The following SCN2A variants were observed in gnomAD, a reference collection of about 807,000 sequenced individuals.
The protein encoded by SCN2A is sodium channel protein type 2 subunit alpha.
A neutral mutation model predicts 188.7 loss-of-function variants in SCN2A; 20 were observed. The observed-to-expected ratio is 0.11, with a 90% CI of 0.07 to 0.15. SCN2A has a LOEUF of 0.15. Ranked by LOEUF, SCN2A falls within the 10% of genes least tolerant of loss-of-function variation. The probability of loss-of-function intolerance (pLI) is 1.00; values close to 1 mark genes in which losing one functional copy is unlikely to be tolerated. For synonymous variants in SCN2A, 804 were observed against 833.1 expected (o/e 0.97, Z 0.60); for missense variants, 1,278 against 2,445.0 (o/e 0.52, Z 10.07).
At chr2:165,380,917 T>A in intron 24 of SCN2A, 176 bp from the exon 25 acceptor site, 1 of 690,026 alleles carries the variant, frequency 1.4e-6, no homozygotes, top group Non-Finnish European at 2.5e-6. Flanking sequence ...ATATTTTTAG[T>A]CTAGAAATAT....
intron 15 of SCN2A, 35 bp downstream of exon 15, chr2:165,342,504 T>A: frequency 6.2e-7 from 1 of 1,603,628 alleles, no homozygotes; most frequent in Non-Finnish European, 8.5e-7. Context: ...AAATGTACTT[T>A]GTAATTAATT....
chr2:165,328,986 CTTTTTTT>C (rs1269103949), intron 13 of SCN2A, among the ~76,000 whole-genome samples: 1 of 89,390 alleles, frequency 1.1e-5, no homozygotes, highest in African/African-American at 4.4e-5. Flanking sequence ...TAAGATAGTC[CTTTTTTT>C]TTTTTTTTTT....
intron 17 of SCN2A, among the ~76,000 whole-genome samples, chr2:165,362,866 A>G (rs564933881): frequency 2.0e-5 from 3 of 152,230 alleles, no homozygotes; most frequent in South Asian, 4.1e-4. Flanking sequence ...TGGTGAGTGA[A>G]GATGGATGGA....
chr2:165,246,979 A>G (rs1384875281), intron 1 of SCN2A, among the ~76,000 whole-genome samples: 2 of 152,150 alleles, frequency 1.3e-5, no homozygotes, highest in East Asian at 1.9e-4. Flanking sequence ...GAGAAAATTG[A>G]AACAATCAGG....
chr2:165,256,000 CT>C lies in SCN2A; in HGVS notation c.-52+16380del, dbSNP rs765804959. On this transcript the variant is annotated intron_variant, in intron 1 of 26. Coordinates refer to ENST00000375437, the MANE Select transcript of SCN2A (RefSeq NM_001040142.2). ...AAATGTTTTCATTTGGGGCTCTTTTCTTTTTTTTTTTTTTTTTTTTGGTGAT... is the reference window on the plus strand; with the variant it reads ...AAATGTTTTCATTTGGGGCTCTTTTCTTTTTTTTTTTTTTTTTTTGGTGAT... Among the ~76,000 whole-genome samples, 327 of 88,478 alleles carry C rather than the reference CT, an allele frequency of 3.7e-3. 4 individuals carry two copies. Among genetic ancestry groups the C allele is most frequent in the African/African-American group, 0.014 (290 of 20,568 alleles). 58.0% of individuals were successfully genotyped at this position (88,478 alleles called of 152,430 possible). A position where few individuals can be genotyped will look rare whatever the true frequency, so the allele number is the denominator to read the frequency against.
intron 3 of SCN2A, among the ~76,000 whole-genome samples, chr2:165,297,715 C>A (rs945020463): frequency 5.3e-5 from 8 of 152,108 alleles, no homozygotes; most frequent in Non-Finnish European, 1.0e-4. Flanking sequence ...GCTTTCTATT[C>A]TTTTCCTTTC....
intron 16 of SCN2A, among the ~76,000 whole-genome samples, chr2:165,352,301 T>C (rs1574659854): frequency 6.6e-6 from 1 of 152,002 alleles, no homozygotes; most frequent in Non-Finnish European, 1.5e-5. Flanking sequence ...TCAGGAGTCA[T>C]AGTATAGAGA....
At chr2:165,257,306 ATTGGCACATCCT>A (rs1559319504) in intron 1 of SCN2A, among the ~76,000 whole-genome samples, 1 of 152,140 alleles carries the variant, frequency 6.6e-6, no homozygotes, top group African/African-American at 2.4e-5. Context: ...GTGGTCTTCT[ATTGGCACATCCT>A]TTATTTACAG....
chr2:165,281,522 G>C (rs1695582809), intron 1 of SCN2A, among the ~76,000 whole-genome samples: 1 of 152,028 alleles, frequency 6.6e-6, no homozygotes, highest in Non-Finnish European at 1.5e-5. Context: ...ATGTGAGAAA[G>C]TACAGGGCAG....
In SCN2A at chr2:165,309,285, GC is replaced by G. The variant is rs1559352436; in HGVS notation, c.606-63del. 1.9e-6 allele frequency: 3 copies of G among 1,611,708 alleles called. No homozygotes were observed. In the Admixed American group the frequency reaches 5.0e-5, roughly 27 times the overall value. ...AGAAGAAAATGGTATAAGGTGGTAG[GC>G]CCCTTATATCTCCAACTGTTTCTTG... On this transcript the variant is annotated intron_variant, in intron 5 of 26. Coordinates refer to ENST00000375437, the MANE Select transcript of SCN2A (RefSeq NM_001040142.2).
chr2:165,274,288 A>T (rs1303484835), intron 1 of SCN2A: 2 of 151,786 alleles, frequency 1.3e-5, no homozygotes, highest in Admixed American at 1.3e-4. Flanking sequence ...CAATAATCTG[A>T]ATTTATTCCA....
At chr2:165,320,792 G>A (rs935887281) in intron 11 of SCN2A, among the ~76,000 whole-genome samples, 57 of 152,190 alleles carry the variant, frequency 3.7e-4, no homozygotes, top group African/African-American at 8.4e-4. Context: ...CTCTGGACCC[G>A]GCACATGAAA....
At chr2:165,327,095 C>G in intron 13 of SCN2A, 111 bp downstream of exon 13, 1 of 1,315,952 alleles carries the variant, frequency 7.6e-7, no homozygotes, top group Non-Finnish European at 1.1e-6. Flanking sequence ...CATTATTACA[C>G]ATTTTACTAA....
intron 17 of SCN2A, among the ~76,000 whole-genome samples, chr2:165,361,857 C>T (rs1207130173): frequency 6.6e-6 from 1 of 151,984 alleles, no homozygotes; most frequent in Non-Finnish European, 1.5e-5. Flanking sequence ...CACATTAGGT[C>T]CGAATAATTG....
chr2:165,299,139 C>G (rs908535682), intron 3 of SCN2A, among the ~76,000 whole-genome samples: 2 of 151,882 alleles, frequency 1.3e-5, no homozygotes, highest in African/African-American at 4.8e-5. Flanking sequence ...TTATGAATCC[C>G]CATTTAAAAC....
intron 1 of SCN2A, among the ~76,000 whole-genome samples, chr2:165,250,270 G>A (rs1237173057): frequency 1.3e-5 from 2 of 151,952 alleles, no homozygotes; most frequent in Admixed American, 6.6e-5. Context: ...GAATTTCTTA[G>A]TTTTACAACA....
chr2:165,299,350 G>A (rs1307622461), intron 3 of SCN2A, among the ~76,000 whole-genome samples: 1 of 152,206 alleles, frequency 6.6e-6, no homozygotes, highest in Non-Finnish European at 1.5e-5. Context: ...GGCCTGAGGA[G>A]ATGCAGGTTG....
chr2:165,334,672 G>C (rs1421558053), intron 14 of SCN2A, among the ~76,000 whole-genome samples: 1 of 151,680 alleles, frequency 6.6e-6, no homozygotes, highest in Non-Finnish European at 1.5e-5. Context: ...ATTCTTAATA[G>C]TTACTTTAGA....
At chr2:165,308,939 G>A (rs1697285089) in intron 5 of SCN2A, 145 bp downstream of exon 5, 12 of 1,187,194 alleles carry the variant, frequency 1.0e-5, no homozygotes, top group Non-Finnish European at 1.4e-5. Flanking sequence ...ATCCAGTTTG[G>A]AGAAATTAGG....
Sources: gnomAD v4.1 joint callset for allele counts (sites outside exome capture counted in the v4.1 genomes callset) on GRCh38, gnomAD v4.1.1 for gene constraint, MANE v1.5 for transcripts, NCBI Gene and HGNC (gene_info 2026-07-23, HGNC 2026-07-21) for gene names.